Variants in DPH6 observed in about 807,000 individuals in gnomAD.
The protein encoded by DPH6 is diphthine--ammonia ligase.
In DPH6, 33 loss-of-function variants were observed where a neutral mutation model predicts 38.2. The observed-to-expected ratio is 0.86, with a 90% CI of 0.65 to 1.15. DPH6 has a LOEUF of 1.15. DPH6 is among the 50% of genes most tolerant of loss of function. The probability of loss-of-function intolerance (pLI) is 0.00; values close to 1 mark genes in which losing one functional copy is unlikely to be tolerated. For missense variants in DPH6, 325 were observed against 320.0 expected (o/e 1.02, Z -0.12); for synonymous variants, 108 against 103.0 (o/e 1.05, Z -0.30).
At chr15:35,366,428 C>T (rs1287537013), downstream of DPH6, among the ~76,000 whole-genome samples, 1 of 151,838 alleles carries the variant, frequency 6.6e-6, no homozygotes, top group Non-Finnish European at 1.5e-5. Flanking sequence ...TGAAGAATAA[C>T]ATTTAAGTGT....
chr15:35,298,491 C>G (rs2052030495), intron 3 of DPH6: 3 of 773,960 alleles, frequency 3.9e-6, no homozygotes, highest in Middle Eastern at 5.7e-4. Context: ...ACTTCCAAGT[C>G]TTCATCCACC....
chr15:35,474,003 G>A (rs1055727804), intron 3 of DPH6, among the ~76,000 whole-genome samples: 1 of 151,412 alleles, frequency 6.6e-6, no homozygotes. Context: ...ATTTCTAGAA[G>A]GATACATAAG....
rs770350184 is a variant in DPH6, at chr15:35,454,707, C to A, written c.386+40G>T. 5.4e-6 allele frequency: 8 copies of A among 1,495,076 alleles called. No homozygotes were observed. The East Asian group carries it at 1.8e-4, about 34-fold the overall frequency. 92.6% of individuals were successfully genotyped at this position (1,495,076 alleles called of 1,614,324 possible). A position where few individuals can be genotyped will look rare whatever the true frequency, so the allele number is the denominator to read the frequency against. On this transcript the variant is annotated intron_variant, in intron 4 of 8. Coordinates refer to ENST00000256538, the MANE Select transcript of DPH6 (RefSeq NM_080650.4). ...TTTTCACTTATTCACATTCTTAAAACACATACACTTTTAAAACTAACAAAT... is the reference window on the plus strand; with the variant it reads ...TTTTCACTTATTCACATTCTTAAAAAACATACACTTTTAAAACTAACAAAT...
intron 3 of DPH6, among the ~76,000 whole-genome samples, chr15:35,289,416 C>T (rs1309749123): frequency 2.0e-5 from 3 of 152,284 alleles, no homozygotes; most frequent in Non-Finnish European, 4.4e-5. Flanking sequence ...ATGTCACTGT[C>T]TAGATTAGGC....
At chr15:35,340,843 T>A (rs528559621) in intron 3 of DPH6, among the ~76,000 whole-genome samples, 4 of 152,134 alleles carry the variant, frequency 2.6e-5, no homozygotes, top group Non-Finnish European at 4.4e-5. Context: ...AAGAATCTGA[T>A]GATTATGTGT....
chr15:35,418,278 C>G (rs942722718), intron 5 of DPH6, among the ~76,000 whole-genome samples: 11 of 152,016 alleles, frequency 7.2e-5, no homozygotes, highest in Non-Finnish European at 1.5e-4. Flanking sequence ...ATATCAATAT[C>G]AAGAAATATC....
At chr15:35,423,495 T>G (rs1322752754) in intron 5 of DPH6, among the ~76,000 whole-genome samples, 1 of 151,792 alleles carries the variant, frequency 6.6e-6, no homozygotes, top group African/African-American at 2.4e-5. Context: ...CTCCCCAGGT[T>G]GCCTTTTCAC....
intron 3 of DPH6, among the ~76,000 whole-genome samples, chr15:35,472,192 A>G (rs1001889651): frequency 6.6e-6 from 1 of 152,166 alleles, no homozygotes; most frequent in African/African-American, 2.4e-5. Context: ...AATACTCTAA[A>G]TATTTTCTTA....
At chr15:35,209,088 T>C in the DPH6 span, among the ~76,000 whole-genome samples, 1 of 152,150 alleles carries the variant, frequency 6.6e-6, no homozygotes, top group Non-Finnish European at 1.5e-5. Flanking sequence ...CATTATATTT[T>C]TTAAGTTGGT....
chr15:35,429,316 A>T (rs1002954068), intron 5 of DPH6, among the ~76,000 whole-genome samples: 14 of 152,122 alleles, frequency 9.2e-5, no homozygotes, highest in Non-Finnish European at 1.9e-4. Context: ...TGTTGGTTTT[A>T]GGGACTGAAA....
chr15:35,235,695 T>C (rs1273718912), intron 3 of DPH6, among the ~76,000 whole-genome samples: 3 of 152,222 alleles, frequency 2.0e-5, no homozygotes, highest in Non-Finnish European at 2.9e-5. Context: ...TAAAAACTTA[T>C]AGTCTTCCAG....
chr15:35,244,411 T>C (rs892419690), intron 3 of DPH6, among the ~76,000 whole-genome samples: 3 of 152,230 alleles, frequency 2.0e-5, no homozygotes, highest in African/African-American at 7.2e-5. Context: ...ATTGGTGTGG[T>C]GTCCCCTGGA....
chr15:35,175,789 C>T, the DPH6 span, among the ~76,000 whole-genome samples: 7 of 152,306 alleles, frequency 4.6e-5, no homozygotes, highest in Admixed American at 2.0e-4. Context: ...TATAATTCCA[C>T]ACTGAACGCA....
At chr15:35,428,453 C>T (rs940735436) in intron 5 of DPH6, among the ~76,000 whole-genome samples, 34 of 151,892 alleles carry the variant, frequency 2.2e-4, no homozygotes, top group Middle Eastern at 3.4e-3. Flanking sequence ...ACAGCTAAAA[C>T]AGTTCTACAC....
intron 3 of DPH6, among the ~76,000 whole-genome samples, chr15:35,360,817 T>C (rs983634595): frequency 1.3e-5 from 2 of 151,918 alleles, no homozygotes; most frequent in African/African-American, 2.4e-5. Flanking sequence ...CTCTGGGCTA[T>C]GGTAGATTGG....
At chr15:35,378,783 C>T (rs2052818111) in intron 7 of DPH6, among the ~76,000 whole-genome samples, 1 of 150,596 alleles carries the variant, frequency 6.6e-6, no homozygotes, top group South Asian at 2.1e-4. Flanking sequence ...AATGAGAACA[C>T]ATGGACACAG....
intron 3 of DPH6, among the ~76,000 whole-genome samples, chr15:35,284,173 G>A (rs1227744673): frequency 1.3e-5 from 2 of 152,074 alleles, no homozygotes; most frequent in Admixed American, 6.5e-5. Flanking sequence ...CTCATCAGCT[G>A]CCCCATACTT....
chr15:35,427,522 G>C (rs1051543120), intron 5 of DPH6, among the ~76,000 whole-genome samples: 17 of 151,922 alleles, frequency 1.1e-4, no homozygotes, highest in African/African-American at 4.1e-4. Context: ...AGGCTCTCTT[G>C]GTGATAATGG....
In DPH6 at chr15:35,372,056, GA is replaced by G; in HGVS notation, c.*93del. 6.9e-7 allele frequency: 1 copy of G among 1,448,922 alleles called. No homozygotes were observed. Among genetic ancestry groups the G allele is most frequent in the East Asian group, 2.7e-5 (1 of 36,722 alleles). The allele number at this position is 1,448,922 out of a possible 1,614,324, so 89.8% of individuals were successfully genotyped here. A position where few individuals can be genotyped will look rare whatever the true frequency, so the allele number is the denominator to read the frequency against. On this transcript the variant is annotated 3_prime_UTR_variant, in exon 9 of 9. Transcript: ENST00000256538. ...TTCTCTAAAAAAATAAGAGTCATGA[GA>G]AAAAAATAAACTAGTCATAGTAACT...
Sources: gnomAD v4.1 joint callset for allele counts (sites outside exome capture counted in the v4.1 genomes callset) on GRCh38, gnomAD v4.1.1 for gene constraint, MANE v1.5 for transcripts, NCBI Gene and HGNC (gene_info 2026-07-23, HGNC 2026-07-21) for gene names.